The following DGKB variants were observed in gnomAD, a reference collection of about 807,000 sequenced individuals.
DGKB encodes 90 kDa diacylglycerol kinase.
In DGKB, 67 loss-of-function variants were observed where a neutral mutation model predicts 114.3. The observed-to-expected ratio is 0.59, with a 90% CI of 0.48 to 0.72. The LOEUF (loss-of-function observed/expected upper bound fraction) is 0.72, where lower values mean the gene tolerates loss of function less well. Ranked by LOEUF, DGKB falls within the 30% of genes least tolerant of loss-of-function variation. The pLI is 0.00. For missense variants in DGKB, 907 were observed against 975.2 expected (o/e 0.93, Z 0.93); for synonymous variants, 398 against 323.1 (o/e 1.23, Z -2.49).
chr7:14,474,567 T>TC (rs1256425168), intron 21 of DGKB, among the ~76,000 whole-genome samples: 3 of 152,150 alleles, frequency 2.0e-5, no homozygotes, highest in Non-Finnish European at 4.4e-5. Context: ...TGCATGTTTT[T>TC]CTAAAATCAT....
At chr7:14,485,483 C>T (rs1254476711) in intron 20 of DGKB, among the ~76,000 whole-genome samples, 2 of 152,002 alleles carry the variant, frequency 1.3e-5, no homozygotes, top group Non-Finnish European at 2.9e-5. Context: ...AATGAAATAA[C>T]TTAGAGACTT....
chr7:14,405,567 A>G (rs1583686963), intron 21 of DGKB, among the ~76,000 whole-genome samples: 1 of 152,146 alleles, frequency 6.6e-6, no homozygotes, highest in Non-Finnish European at 1.5e-5. Context: ...TGAATCTAAC[A>G]TGTTTCATTC....
At position 14,519,735 on chromosome 7, in the gene DGKB, T is replaced by C. The variant is rs62443500; in HGVS notation, c.1771-41510A>G. Among the ~76,000 whole-genome samples, 837 of 152,136 alleles carry C rather than the reference T, an allele frequency of 5.5e-3. 5 individuals carry two copies. Among genetic ancestry groups the C allele is most frequent in the Middle Eastern group, 0.017 (5 of 294 alleles). On this transcript the variant is annotated intron_variant, in intron 20 of 25. Transcript: ENST00000402815. ...ACTGGGTACTGTATGGTTTTTTGAT[T>C]ACAGCCTTCTCAGTGGGCATGTAGT...
intron 23 of DGKB, among the ~76,000 whole-genome samples, chr7:14,296,426 C>T (rs543860185): frequency 4.0e-4 from 61 of 152,186 alleles, no homozygotes; most frequent in African/African-American, 1.4e-3. Context: ...TGGGTTGGTT[C>T]CAAATCTTTG....
chr7:14,613,681 T>A, intron 15 of DGKB, among the ~76,000 whole-genome samples: 1 of 151,376 alleles, frequency 6.6e-6, no homozygotes, highest in East Asian at 1.9e-4. Context: ...GAAGAGGGAA[T>A]AACATTTGTA....
intron 12 of DGKB, among the ~76,000 whole-genome samples, chr7:14,675,938 C>T (rs563442174): frequency 5.3e-5 from 8 of 151,982 alleles, no homozygotes; most frequent in Admixed American, 6.6e-5. Flanking sequence ...TTTTACAAGT[C>T]GTGAATCAAA....
chr7:14,534,948 G>A (rs1792183092), intron 20 of DGKB, among the ~76,000 whole-genome samples: 1 of 152,080 alleles, frequency 6.6e-6, no homozygotes, highest in Non-Finnish European at 1.5e-5. Context: ...GTCACTGGGT[G>A]AGAAAAGAAA....
intron 23 of DGKB, among the ~76,000 whole-genome samples, chr7:14,300,437 A>G (rs1267218027): frequency 6.6e-6 from 1 of 152,138 alleles, no homozygotes; most frequent in East Asian, 1.9e-4. Context: ...TCATACATTG[A>G]TACATACAAT....
intron 13 of DGKB, among the ~76,000 whole-genome samples, chr7:14,653,218 C>A (rs894757492): frequency 6.7e-6 from 1 of 148,908 alleles, no homozygotes; most frequent in Non-Finnish European, 1.5e-5. Context: ...ATGTTTATTG[C>A]GGCATTATTC....
chr7:14,677,817 T>G (rs1438929754), intron 12 of DGKB, among the ~76,000 whole-genome samples: 1 of 152,102 alleles, frequency 6.6e-6, no homozygotes, highest in Non-Finnish European at 1.5e-5. Flanking sequence ...CAGAGACTGG[T>G]TGCCTAATTA....
intron 2 of DGKB, among the ~76,000 whole-genome samples, chr7:14,820,468 C>A (rs1467894898): frequency 6.6e-6 from 1 of 152,120 alleles, no homozygotes; most frequent in Non-Finnish European, 1.5e-5. Context: ...TATTACAGTG[C>A]ATGCAACAAT....
Position 14,178,158 on chromosome 7 carries a change from G to C in DGKB, c.2123-7C>G. 1 of 1,613,202 alleles carries C rather than the reference G, an allele frequency of 6.2e-7. No individual in the cohort carries two copies. The highest frequency in any genetic ancestry group is 1.1e-5 in the South Asian group (1 of 91,052). On this transcript the variant is annotated splice_region_variant and splice_polypyrimidine_tract_variant and intron_variant, in intron 23 of 25. Transcript: ENST00000402815. ...AGCAGCTGGTCACTGAGATCTGAAA[G>C]AAAGTAGATGCCTTTTAAGTTGCAA...
chr7:14,596,642 C>G (rs545846550), intron 17 of DGKB, among the ~76,000 whole-genome samples: 46 of 152,282 alleles, frequency 3.0e-4, no homozygotes, highest in African/African-American at 1.1e-3. Context: ...TGCTCATGCT[C>G]ATTCCAATGC....
intron 5 of DGKB, 156 bp from the exon 6 acceptor site, chr7:14,718,841 G>C (rs1251724161): frequency 2.4e-5 from 14 of 589,532 alleles, no homozygotes; most frequent in Non-Finnish European, 3.8e-5. Context: ...ACAGCAGCTA[G>C]ACATAGCCTA....
chr7:14,690,966 C>T (rs1333904119), intron 9 of DGKB, among the ~76,000 whole-genome samples: 3 of 152,156 alleles, frequency 2.0e-5, no homozygotes, highest in African/African-American at 7.2e-5. Flanking sequence ...CCATTTCTGA[C>T]CCATTCATCT....
intron 23 of DGKB, among the ~76,000 whole-genome samples, chr7:14,259,393 CTCTCTCTCTCTCTCTA>C (rs1269018335): frequency 1.6e-4 from 15 of 95,974 alleles, no homozygotes; most frequent in Admixed American, 1.4e-3. Context: ...CTCTCTCTCT[CTCTCTCTCTCTCTCTA>C]TATATATATA....
At chr7:14,940,212 T>C (rs1269054402) in intron 1 of DGKB, among the ~76,000 whole-genome samples, 1 of 152,180 alleles carries the variant, frequency 6.6e-6, no homozygotes, top group South Asian at 2.1e-4. Flanking sequence ...TATGTAATTA[T>C]GAGTTGCCAA....
chr7:14,281,855 C>A (rs1800011534), intron 23 of DGKB, among the ~76,000 whole-genome samples: 1 of 144,270 alleles, frequency 6.9e-6, no homozygotes. Context: ...GGGACGCATT[C>A]AAAGCAGTGT....
chr7:14,429,960 G>C (rs1828203633), intron 21 of DGKB, among the ~76,000 whole-genome samples: 1 of 152,090 alleles, frequency 6.6e-6, no homozygotes, highest in African/African-American at 2.4e-5. Context: ...GTATTTCGGG[G>C]AAATTCCTGC....
Sources: gnomAD v4.1 joint callset for allele counts (sites outside exome capture counted in the v4.1 genomes callset) on GRCh38, gnomAD v4.1.1 for gene constraint, MANE v1.5 for transcripts, NCBI Gene and HGNC (gene_info 2026-07-23, HGNC 2026-07-21) for gene names.